ADAMTS6: variants seen among roughly 807,000 people sequenced by gnomAD.
ADAMTS6 encodes ADAM metallopeptidase with thrombospondin type 1 motif 6.
ADAMTS6 carries 23 observed loss-of-function variants against 144.3 expected under a neutral mutation model. The observed-to-expected ratio is 0.16, with a 90% CI of 0.11 to 0.23. ADAMTS6 has a LOEUF of 0.23. Ranked by LOEUF, ADAMTS6 falls within the 10% of genes least tolerant of loss-of-function variation. ADAMTS6 has a pLI of 1.00. For missense variants in ADAMTS6, 999 were observed against 1,379.6 expected, an observed-to-expected ratio of 0.72 and a Z score of 4.37; for synonymous variants, 444 against 457.5, an observed-to-expected ratio of 0.97 and a Z score of 0.38.
chr5:65,396,720 T>C (rs1561498567), intron 7 of ADAMTS6, among the ~76,000 whole-genome samples: 1 of 152,252 alleles, frequency 6.6e-6, no homozygotes, highest in Non-Finnish European at 1.5e-5. Context: ...ATTCTTTTTA[T>C]ACATTGCTGG....
At chr5:65,170,869 AC>A (rs889645252) in intron 23 of ADAMTS6, 96 bp from the exon 24 acceptor site, 2 of 1,344,440 alleles carry the variant, frequency 1.5e-6, no homozygotes, top group African/African-American at 2.9e-5. Flanking sequence ...CACAATATGA[AC>A]TTTTTTTTTT....
chr5:65,258,272 A>G (rs1160867792), intron 14 of ADAMTS6, among the ~76,000 whole-genome samples: 1 of 152,132 alleles, frequency 6.6e-6, no homozygotes, highest in Non-Finnish European at 1.5e-5. Context: ...CCACACAGAT[A>G]TTTTGGGAGA....
intron 9 of ADAMTS6, among the ~76,000 whole-genome samples, chr5:65,323,158 C>T (rs1450268286): frequency 5.9e-5 from 9 of 151,812 alleles, no homozygotes; most frequent in Admixed American, 5.9e-4. Flanking sequence ...GGTACATGTG[C>T]ACAACATGCA....
At chr5:65,180,452 C>T (rs1754274837) in intron 22 of ADAMTS6, among the ~76,000 whole-genome samples, 1 of 152,120 alleles carries the variant, frequency 6.6e-6, no homozygotes, top group African/African-American at 2.4e-5. Flanking sequence ...GGTGCTGCCT[C>T]ACTCTACCCC....
chr5:65,349,138 A>C (rs564099142), intron 7 of ADAMTS6, among the ~76,000 whole-genome samples: 1 of 152,298 alleles, frequency 6.6e-6, no homozygotes, highest in South Asian at 2.1e-4. Flanking sequence ...AGGAAGAAAA[A>C]GCATAATATA....
intron 11 of ADAMTS6, among the ~76,000 whole-genome samples, chr5:65,287,223 C>CT (rs1417139116): frequency 6.6e-6 from 1 of 152,100 alleles, no homozygotes; most frequent in Non-Finnish European, 1.5e-5. Flanking sequence ...CATCTGATAA[C>CT]TTATGACCCT....
intron 20 of ADAMTS6, among the ~76,000 whole-genome samples, chr5:65,206,657 G>T (rs1253617319): frequency 7.3e-6 from 1 of 136,580 alleles, no homozygotes; most frequent in Admixed American, 8.2e-5. Context: ...CCATGATCGT[G>T]CCACTGCACT....
intron 8 of ADAMTS6, among the ~76,000 whole-genome samples, chr5:65,333,575 T>A (rs1171644710): frequency 6.6e-6 from 1 of 151,926 alleles, no homozygotes; most frequent in African/African-American, 2.4e-5. Flanking sequence ...AAAAGTATTG[T>A]TCTTGGTGCC....
At chr5:65,397,723 A>G (rs907264491) in intron 7 of ADAMTS6, among the ~76,000 whole-genome samples, 1 of 151,632 alleles carries the variant, frequency 6.6e-6, no homozygotes. Context: ...CAAAAAAAAG[A>G]AAAATCAGCC....
intron 11 of ADAMTS6, among the ~76,000 whole-genome samples, chr5:65,278,889 T>C (rs759442343): frequency 2.0e-5 from 3 of 152,042 alleles, no homozygotes; most frequent in Non-Finnish European, 4.4e-5. Context: ...TTGACTTCTG[T>C]GGAGGCTGAT....
intron 7 of ADAMTS6, among the ~76,000 whole-genome samples, chr5:65,413,232 G>A (rs1356448190): frequency 2.6e-5 from 4 of 152,074 alleles, no homozygotes; most frequent in African/African-American, 4.8e-5. Flanking sequence ...GAACTCTGTG[G>A]TAAGCCTATG....
intron 7 of ADAMTS6, among the ~76,000 whole-genome samples, chr5:65,446,346 C>T (rs1268933289): frequency 1.3e-5 from 2 of 152,018 alleles, no homozygotes; most frequent in Non-Finnish European, 2.9e-5. Context: ...TTTTGTATTC[C>T]CAACTGAAAA....
chr5:65,207,038 T>C (rs1350912881), intron 20 of ADAMTS6, among the ~76,000 whole-genome samples: 1 of 152,226 alleles, frequency 6.6e-6, no homozygotes, highest in African/African-American at 2.4e-5. Context: ...GAAACATTCC[T>C]GTATAATCAT....
At chr5:65,364,831 G>A (rs1750156869) in intron 7 of ADAMTS6, among the ~76,000 whole-genome samples, 1 of 152,080 alleles carries the variant, frequency 6.6e-6, no homozygotes, top group East Asian at 1.9e-4. Context: ...CTCCCAAAGT[G>A]CTGGGATTAC....
chr5:65,321,400 T>G (rs1371027022), intron 9 of ADAMTS6, among the ~76,000 whole-genome samples: 1 of 152,166 alleles, frequency 6.6e-6, no homozygotes, highest in Non-Finnish European at 1.5e-5. Context: ...TTTTTTTTCT[T>G]GTAAATTTGT....
At chr5:65,269,732 T>A (rs1044310318) in intron 12 of ADAMTS6, among the ~76,000 whole-genome samples, 4 of 152,042 alleles carry the variant, frequency 2.6e-5, no homozygotes, top group Non-Finnish European at 5.9e-5. Flanking sequence ...TCTCTTAATA[T>A]TAAACATAAG....
intron 7 of ADAMTS6, among the ~76,000 whole-genome samples, chr5:65,388,205 AC>A (rs200247545): frequency 2.0e-5 from 3 of 151,518 alleles, no homozygotes; most frequent in Non-Finnish European, 4.4e-5. Flanking sequence ...TGAGACTCCA[AC>A]CCCCCCAAAA....
intron 24 of ADAMTS6, among the ~76,000 whole-genome samples, chr5:65,155,689 T>G (rs1419259267): frequency 6.6e-6 from 1 of 152,196 alleles, no homozygotes; most frequent in South Asian, 2.1e-4. Context: ...ACACAGCTAG[T>G]TGGTCTAAGA....
At chr5:65,219,704 G>A (rs1757175600) in intron 18 of ADAMTS6, among the ~76,000 whole-genome samples, 1 of 152,180 alleles carries the variant, frequency 6.6e-6, no homozygotes, top group Admixed American at 6.5e-5. Context: ...CACCATGCCA[G>A]ACTGGTCATA....
Sources: gnomAD v4.1 joint callset for allele counts (sites outside exome capture counted in the v4.1 genomes callset) on GRCh38, gnomAD v4.1.1 for gene constraint, MANE v1.5 for transcripts, NCBI Gene and HGNC (gene_info 2026-07-23, HGNC 2026-07-21) for gene names.